XKR6: variants seen among roughly 807,000 people sequenced by gnomAD.
XKR6 encodes XK-related protein 6.
A neutral mutation model predicts 56.7 loss-of-function variants in XKR6; 22 were observed. The observed-to-expected ratio is 0.39, with a 90% CI of 0.28 to 0.55. XKR6 has a LOEUF of 0.55. Among genes scored for constraint, XKR6 ranks in the 20% least tolerant of loss-of-function variants. XKR6 has a pLI of 0.66. For synonymous variants in XKR6, 524 were observed against 387.8 expected, an observed-to-expected ratio of 1.35 and a Z score of -4.13; for missense variants, 852 against 889.0, an observed-to-expected ratio of 0.96 and a Z score of 0.53.
intron 1 of XKR6, among the ~76,000 whole-genome samples, chr8:11,182,386 C>T (rs182697783): frequency 9.8e-5 from 15 of 152,292 alleles, no homozygotes; most frequent in Non-Finnish European, 5.9e-5. Context: ...ATCACTGTGG[C>T]GCATTAACAC....
chr8:11,091,571 G>A (rs1291912120), intron 1 of XKR6, among the ~76,000 whole-genome samples: 1 of 152,156 alleles, frequency 6.6e-6, no homozygotes, highest in Non-Finnish European at 1.5e-5. Context: ...TCCAGGCTAG[G>A]GGGTCCAATG....
At chr8:11,067,214 C>T (rs1421155117) in intron 1 of XKR6, 1 of 152,336 alleles carries the variant, frequency 6.6e-6, no homozygotes, top group Non-Finnish European at 1.5e-5. Context: ...GCGGCTCTGA[C>T]TCTCCCAGCA....
At chr8:10,950,239 G>T (rs952591643) in intron 1 of XKR6, among the ~76,000 whole-genome samples, 1 of 152,180 alleles carries the variant, frequency 6.6e-6, no homozygotes, top group Non-Finnish European at 1.5e-5. Flanking sequence ...CCAATGGATA[G>T]TGCAGGGGGC....
chr8:11,048,506 G>A (rs911990104), intron 1 of XKR6, among the ~76,000 whole-genome samples: 4 of 152,184 alleles, frequency 2.6e-5, no homozygotes, highest in Admixed American at 6.5e-5. Context: ...AAGGACACCT[G>A]AGCGTGTGTT....
intron 1 of XKR6, among the ~76,000 whole-genome samples, chr8:11,014,934 G>T (rs757127113): frequency 6.6e-6 from 1 of 152,192 alleles, no homozygotes; most frequent in African/African-American, 2.4e-5. Context: ...TCATCAGAAG[G>T]TTATCCAAAT....
chr8:10,921,574 T>G (rs1800719378), intron 2 of XKR6, among the ~76,000 whole-genome samples: 1 of 152,256 alleles, frequency 6.6e-6, no homozygotes. Context: ...TTATTCTTCT[T>G]TCTTCCAGTA....
At chr8:11,103,923 C>T (rs6601561) in intron 1 of XKR6, among the ~76,000 whole-genome samples, 53,720 of 152,092 alleles carry the variant, frequency 0.35, 10,772 homozygotes, top group Non-Finnish European at 0.47. Flanking sequence ...TCCACTGTTG[C>T]GGAATTTAAA....
chr8:10,968,371 T>A (rs1802295551), intron 1 of XKR6, among the ~76,000 whole-genome samples: 2 of 152,234 alleles, frequency 1.3e-5, no homozygotes. Context: ...CAGTAGAATG[T>A]GTGTCTCTTT....
chr8:11,114,725 A>ATGTGTGTGTGTGTGTG (rs1491486493), intron 1 of XKR6, among the ~76,000 whole-genome samples: 1 of 77,628 alleles, frequency 1.3e-5, no homozygotes, highest in African/African-American at 5.7e-5. Context: ...CTTAGATCAC[A>ATGTGTGTGTGTGTGTG]TATGTGTGTG....
intron 1 of XKR6, among the ~76,000 whole-genome samples, chr8:11,023,765 C>T (rs956910823): frequency 6.6e-6 from 1 of 152,222 alleles, no homozygotes; most frequent in East Asian, 1.9e-4. Flanking sequence ...TCCTGCGGAT[C>T]ATTTCTCACC....
At chr8:11,101,505 T>C (rs1224283196) in intron 1 of XKR6, among the ~76,000 whole-genome samples, 4 of 152,212 alleles carry the variant, frequency 2.6e-5, no homozygotes, top group Admixed American at 2.6e-4. Context: ...TGATAAAAAG[T>C]TGTCTGAATT....
chr8:11,054,332 G>A (rs1005969937), intron 1 of XKR6, among the ~76,000 whole-genome samples: 1 of 152,230 alleles, frequency 6.6e-6, no homozygotes, highest in Non-Finnish European at 1.5e-5. Context: ...ACCTTCCTCT[G>A]ATGACCACCA....
Position 11,059,477 on chromosome 8 carries a change from C to G in XKR6, c.765-134647G>C, listed in dbSNP as rs995565776. 6.6e-4 allele frequency among the ~76,000 whole-genome samples: 100 copies of G among 152,140 alleles called. 1 individual carries two copies. The highest frequency in any genetic ancestry group is 1.4e-3 in the African/African-American group (57 of 41,464). On this transcript the variant is annotated intron_variant, in intron 1 of 2. Transcript: ENST00000416569. ...CCGGCGCCGAGAAGGAGGCCCCGCC[C>G]GACAGGCAGCTGCGGAGCCATCTGC...
chr8:10,927,847 G>T (rs75200307), intron 1 of XKR6, among the ~76,000 whole-genome samples: 81 of 152,222 alleles, frequency 5.3e-4, no homozygotes, highest in African/African-American at 1.9e-3. Flanking sequence ...GCAAGCAGAC[G>T]TTGGGGCCTA....
intron 2 of XKR6, among the ~76,000 whole-genome samples, chr8:10,907,238 C>T (rs183038517): frequency 3.3e-5 from 5 of 152,210 alleles, no homozygotes; most frequent in Non-Finnish European, 5.9e-5. Flanking sequence ...AAAATCTGAG[C>T]GATCACACCA....
At chr8:10,923,490 A>G (rs1800785418) in intron 2 of XKR6, among the ~76,000 whole-genome samples, 1 of 152,240 alleles carries the variant, frequency 6.6e-6, no homozygotes, top group Admixed American at 6.5e-5. Context: ...TTTGAATGCC[A>G]CCAGCAAGCT....
At chr8:11,080,694 G>A (rs559911056) in intron 1 of XKR6, among the ~76,000 whole-genome samples, 18 of 152,310 alleles carry the variant, frequency 1.2e-4, no homozygotes, top group Middle Eastern at 3.4e-3. Flanking sequence ...GAAATAATTC[G>A]GAGGAGGAGG....
At chr8:11,144,683 G>A (rs1376121385) in intron 1 of XKR6, among the ~76,000 whole-genome samples, 5 of 152,046 alleles carry the variant, frequency 3.3e-5, no homozygotes, top group Admixed American at 2.6e-4. Flanking sequence ...TAGGGTGAGG[G>A]CAAAGTAGCA....
At chr8:11,140,506 G>C (rs960745229) in intron 1 of XKR6, among the ~76,000 whole-genome samples, 5 of 152,162 alleles carry the variant, frequency 3.3e-5, no homozygotes, top group Admixed American at 1.3e-4. Flanking sequence ...CTTAAGGAAA[G>C]AAAATACAAG....
Sources: allele counts gnomAD v4.1 joint callset (sites outside exome capture counted in the v4.1 genomes callset), GRCh38; gene constraint gnomAD v4.1.1; transcripts MANE v1.5; gene names NCBI Gene and HGNC (gene_info 2026-07-23, HGNC 2026-07-21).